ENTPD1: variants seen among roughly 807,000 people sequenced by gnomAD.
ENTPD1 encodes the protein ATP diphosphohydrolase.
Under a neutral mutation model 57.0 loss-of-function variants are expected in ENTPD1, and 33 were observed. The observed-to-expected ratio is 0.58, with a 90% CI of 0.44 to 0.77. The LOEUF is 0.77. Among genes scored for constraint, ENTPD1 ranks in the 30% least tolerant of loss-of-function variants. The pLI is 0.00. For missense variants in ENTPD1, 501 were observed against 603.4 expected, an observed-to-expected ratio of 0.83 and a Z score of 1.78; for synonymous variants, 202 against 218.8, an observed-to-expected ratio of 0.92 and a Z score of 0.68.
intron 1 of ENTPD1, among the ~76,000 whole-genome samples, chr10:95,764,101 AT>A (rs2098078677): frequency 1.3e-5 from 2 of 152,280 alleles, no homozygotes; most frequent in South Asian, 2.1e-4. Flanking sequence ...ATTTTGGAAC[AT>A]TTTATCACCC....
At chr10:95,809,839 C>T (rs1238367184) in intron 1 of ENTPD1, among the ~76,000 whole-genome samples, 10 of 140,662 alleles carry the variant, frequency 7.1e-5, no homozygotes, top group East Asian at 2.1e-4. Context: ...GGGCAGCGGC[C>T]GGGCTGAGAT....
intron 1 of ENTPD1, among the ~76,000 whole-genome samples, chr10:95,735,720 C>G (rs999978102): frequency 1.3e-5 from 2 of 151,002 alleles, no homozygotes; most frequent in African/African-American, 4.9e-5. Context: ...CTCAGCCTCC[C>G]GAGTAGCTGG....
At chr10:95,715,115 A>G (rs2097970012) in intron 1 of ENTPD1, among the ~76,000 whole-genome samples, 1 of 152,168 alleles carries the variant, frequency 6.6e-6, no homozygotes, top group Admixed American at 6.5e-5. Context: ...TTCTCCTGGA[A>G]CTTCATGATA....
chr10:95,739,275 A>G (rs969147575), intron 1 of ENTPD1, among the ~76,000 whole-genome samples: 2 of 152,170 alleles, frequency 1.3e-5, no homozygotes, highest in Non-Finnish European at 2.9e-5. Flanking sequence ...TGCCACATCA[A>G]TTGACTCTTC....
the ENTPD1 span, among the ~76,000 whole-genome samples, chr10:95,699,265 G>C: frequency 6.6e-6 from 1 of 152,162 alleles, no homozygotes; most frequent in African/African-American, 2.4e-5. Context: ...TGAGAATTTT[G>C]CATCTATTAG....
At chr10:95,770,252 AGTGAGT>A (rs1431459353) in intron 1 of ENTPD1, among the ~76,000 whole-genome samples, 1 of 115,344 alleles carries the variant, frequency 8.7e-6, no homozygotes, top group Non-Finnish European at 1.7e-5. Context: ...AGAGTGAGTG[AGTGAGT>A]GTGTGTGTGT....
At position 95,867,262 on chromosome 10, in the gene ENTPD1, T is replaced by C; in HGVS notation, c.*879T>C. 1.0e-6 allele frequency: 1 copy of C among 974,288 alleles called. No homozygotes were observed. The highest frequency in any genetic ancestry group is 1.2e-6 in the Non-Finnish European group (1 of 819,830). 60.4% of individuals were successfully genotyped at this position (974,288 alleles called of 1,614,324 possible). Reference sequence around the variant, plus strand: ...ATTTTAACATTTAATTCATATTAAATACGTACAAATCAGTGACATTTAGTA... The same window carrying C: ...ATTTTAACATTTAATTCATATTAAACACGTACAAATCAGTGACATTTAGTA... On this transcript the variant is annotated 3_prime_UTR_variant, in exon 10 of 10. Coordinates refer to ENST00000371205, the MANE Select transcript of ENTPD1 (RefSeq NM_001776.6).
intron 1 of ENTPD1, among the ~76,000 whole-genome samples, chr10:95,757,225 GTCTT>G (rs2098030544): frequency 6.6e-6 from 1 of 152,194 alleles, no homozygotes; most frequent in Non-Finnish European, 1.5e-5. Context: ...TGTTGACTAA[GTCTT>G]TATTCTGTGT....
chr10:95,807,913 C>G (rs2098279726), intron 1 of ENTPD1, among the ~76,000 whole-genome samples: 1 of 152,094 alleles, frequency 6.6e-6, no homozygotes, highest in Admixed American at 6.5e-5. Context: ...CCTTTATTTC[C>G]TTCTCTTGCC....
intron 1 of ENTPD1, among the ~76,000 whole-genome samples, chr10:95,749,485 C>T (rs1317770071): frequency 6.6e-6 from 1 of 152,198 alleles, no homozygotes; most frequent in Non-Finnish European, 1.5e-5. Context: ...AGTGTCCTTG[C>T]TTTCTGGTAT....
intron 1 of ENTPD1, among the ~76,000 whole-genome samples, chr10:95,743,324 A>C (rs1329124994): frequency 6.6e-6 from 1 of 152,184 alleles, no homozygotes; most frequent in Non-Finnish European, 1.5e-5. Flanking sequence ...TGTTATCAAC[A>C]TGATTTATCA....
intron 1 of ENTPD1, among the ~76,000 whole-genome samples, chr10:95,803,605 C>T (rs1300296332): frequency 6.6e-6 from 1 of 152,160 alleles, no homozygotes; most frequent in African/African-American, 2.4e-5. Context: ...TGAATATTAG[C>T]TCTTTGTCAG....
At chr10:95,752,085 G>A (rs2139904844), upstream of ENTPD1, among the ~76,000 whole-genome samples, 1 of 152,312 alleles carries the variant, frequency 6.6e-6, no homozygotes, top group Non-Finnish European at 1.5e-5. Flanking sequence ...TTTCAAGAAA[G>A]AAGGAAGGCC....
chr10:95,803,743 T>A (rs1351725768), intron 1 of ENTPD1, among the ~76,000 whole-genome samples: 2 of 152,218 alleles, frequency 1.3e-5, no homozygotes, highest in Non-Finnish European at 2.9e-5. Context: ...TTTGTTGCCA[T>A]TGCTTTTGGT....
intron 9 of ENTPD1, among the ~76,000 whole-genome samples, chr10:95,865,945 TAG>T (rs1160992043): frequency 2.6e-5 from 4 of 152,104 alleles, no homozygotes; most frequent in Non-Finnish European, 4.4e-5. Context: ...TTTTATTTTT[TAG>T]AGAGACAGGG....
chr10:95,706,756 G>A, the ENTPD1 span, among the ~76,000 whole-genome samples: 1 of 152,196 alleles, frequency 6.6e-6, no homozygotes, highest in South Asian at 2.1e-4. Context: ...AGGCAGCAGG[G>A]AGTCCCCACT....
intron 3 of ENTPD1, among the ~76,000 whole-genome samples, chr10:95,841,496 A>G (rs1269357884): frequency 6.6e-6 from 1 of 152,196 alleles, no homozygotes; most frequent in Non-Finnish European, 1.5e-5. Context: ...TAGTTAATCA[A>G]ATATTTAACA....
chr10:95,802,512 G>C (rs560733917), intron 1 of ENTPD1, among the ~76,000 whole-genome samples: 80 of 151,944 alleles, frequency 5.3e-4, no homozygotes, highest in East Asian at 1.9e-4. Flanking sequence ...GAACATGCAG[G>C]TTTGATACAT....
intron 1 of ENTPD1, among the ~76,000 whole-genome samples, chr10:95,733,154 C>G (rs1236310367): frequency 6.6e-6 from 1 of 152,138 alleles, no homozygotes; most frequent in Non-Finnish European, 1.5e-5. Flanking sequence ...TAGAGACCTA[C>G]CCCTGGGAAT....
Sources: allele counts gnomAD v4.1 joint callset (sites outside exome capture counted in the v4.1 genomes callset), GRCh38; gene constraint gnomAD v4.1.1; transcripts MANE v1.5; gene names NCBI Gene and HGNC (gene_info 2026-07-23, HGNC 2026-07-21).